EYS: variants seen among roughly 807,000 people sequenced by gnomAD.
EYS encodes EGF-like photoreceptor maintenance factor, also known as protein eyes shut homolog.
A neutral mutation model predicts 282.1 loss-of-function variants in EYS; 250 were observed. The ratio of observed to expected loss-of-function variants is 0.89; its 90% confidence interval spans 0.80 to 0.98. The LOEUF is 0.98. EYS is among the 50% of genes least tolerant of loss of function. The pLI is 0.00. For synonymous variants in EYS, 1,355 were observed against 1,282.9 expected (o/e 1.06, Z -1.20); for missense variants, 4,016 against 3,709.0 (o/e 1.08, Z -2.15).
intron 1 of EYS, among the ~76,000 whole-genome samples, chr6:65,642,968 T>A (rs1210034978): frequency 6.6e-6 from 1 of 152,200 alleles, no homozygotes; most frequent in Non-Finnish European, 1.5e-5. Context: ...TGTGAAGACT[T>A]ACATCATAAA....
At chr6:63,870,946 C>T (rs990345507) in intron 35 of EYS, among the ~76,000 whole-genome samples, 4 of 152,164 alleles carry the variant, frequency 2.6e-5, no homozygotes, top group Non-Finnish European at 5.9e-5. Flanking sequence ...TCTACCCAAT[C>T]GTTGTTCAGA....
At chr6:65,037,019 T>C (rs1400416677) in intron 13 of EYS, among the ~76,000 whole-genome samples, 3 of 151,978 alleles carry the variant, frequency 2.0e-5, no homozygotes, top group Non-Finnish European at 2.9e-5. Context: ...TGTATGTTCA[T>C]TGCAGCACTA....
chr6:64,438,773 T>C (rs1246726214), intron 27 of EYS, among the ~76,000 whole-genome samples: 1 of 151,702 alleles, frequency 6.6e-6, no homozygotes, highest in Admixed American at 6.6e-5. Flanking sequence ...GTATATGAGC[T>C]TCTTAAGAAC....
chr6:64,265,495 T>C (rs1387491777), intron 30 of EYS, among the ~76,000 whole-genome samples: 2 of 152,154 alleles, frequency 1.3e-5, no homozygotes, highest in Non-Finnish European at 2.9e-5. Flanking sequence ...AACTGGAAAT[T>C]TTCATGATGT....
intron 39 of EYS, among the ~76,000 whole-genome samples, chr6:63,785,677 T>C (rs983508131): frequency 2.6e-5 from 4 of 152,188 alleles, no homozygotes; most frequent in Admixed American, 1.3e-4. Context: ...ATTTATATTT[T>C]AGATCACGAA....
At chr6:64,767,271 A>G (rs1261258225) in intron 22 of EYS, among the ~76,000 whole-genome samples, 1 of 152,032 alleles carries the variant, frequency 6.6e-6, no homozygotes, top group East Asian at 1.9e-4. Context: ...ATGTCTTTGT[A>G]TTGGAATATT....
intron 5 of EYS, among the ~76,000 whole-genome samples, chr6:65,479,692 A>G (rs1297658202): frequency 6.6e-6 from 1 of 152,190 alleles, no homozygotes; most frequent in African/African-American, 2.4e-5. Flanking sequence ...ACCTAAACAG[A>G]GGACTAAAAC....
In EYS at chr6:65,406,738, T is replaced by A. The variant is rs561712217; in HGVS notation, c.863-1371A>T. ...AAAACTGACCTATTATATGCCTTTTTATGTGCAATAAAGTTGCACATAGAT... is the reference window on the plus strand; with the variant it reads ...AAAACTGACCTATTATATGCCTTTTAATGTGCAATAAAGTTGCACATAGAT... On this transcript the variant is annotated intron_variant, in intron 5 of 42. Coordinates refer to ENST00000503581, the MANE Select transcript of EYS (RefSeq NM_001142800.2). 3.9e-5 allele frequency among the ~76,000 whole-genome samples: 6 copies of A among 152,290 alleles called. No homozygotes were observed. The South Asian group carries it at 1.2e-3, about 32-fold the overall frequency.
chr6:65,045,866 C>T lies in EYS; in HGVS notation c.2137+11748G>A, dbSNP rs186375545. 3.9e-5 allele frequency among the ~76,000 whole-genome samples: 6 copies of T among 151,980 alleles called. No individual in the cohort carries two copies. The East Asian group carries it at 1.2e-3, about 30-fold the overall frequency. On this transcript the variant is annotated intron_variant, in intron 13 of 42. Coordinates refer to ENST00000503581, the MANE Select transcript of EYS (RefSeq NM_001142800.2). ...GAATTTAACAATTAGGGTTAAACAG[C>T]TAGGGATGTAGTTGGTAGATTTGTT...
intron 37 of EYS, among the ~76,000 whole-genome samples, chr6:63,798,995 A>ATG (rs1770715077): frequency 1.5e-5 from 2 of 131,204 alleles, no homozygotes; most frequent in Admixed American, 1.5e-4. Context: ...GTGTATATAT[A>ATG]TATATATATA....
rs1329000538 is a variant in EYS at position 63,726,738 on chromosome 6, C to A, written c.8072-58G>T. On this transcript the variant is annotated intron_variant, in intron 41 of 42. Transcript: ENST00000503581. The stretch of plus-strand genomic sequence containing the variant: ...TTATCTGCTGGATTAAAAAACATTG[C>A]TCATAAATACAATAAACTGCTTATG... 2.1e-6 allele frequency: 3 copies of A among 1,413,284 alleles called. No homozygotes were observed. The East Asian group carries it at 7.5e-5, about 35-fold the overall frequency. The allele number at this position is 1,413,284 out of a possible 1,614,324, so 87.5% of individuals were successfully genotyped here.
intron 19 of EYS, among the ~76,000 whole-genome samples, chr6:64,865,837 T>C (rs1319970729): frequency 6.6e-6 from 1 of 152,076 alleles, no homozygotes. Context: ...TAATTAAGAT[T>C]ATTTCATTGT....
At chr6:65,402,438 A>G (rs562696105) in intron 7 of EYS, 40 bp downstream of exon 7, 1 of 1,334,436 alleles carries the variant, frequency 7.5e-7, no homozygotes, top group East Asian at 2.3e-5. Context: ...TTAAAAATCC[A>G]TGTACTTTGT....
intron 2 of EYS, among the ~76,000 whole-genome samples, chr6:65,509,379 G>A (rs1766780659): frequency 6.6e-6 from 1 of 152,086 alleles, no homozygotes; most frequent in Admixed American, 6.5e-5. Context: ...CAGTTACTCT[G>A]TATCATCTCC....
intron 29 of EYS, chr6:64,377,869 T>A (rs1316906279): frequency 6.6e-6 from 1 of 152,122 alleles, no homozygotes; most frequent in African/African-American, 2.4e-5. Context: ...ACTGCCTAGT[T>A]GTATAAGCTT....
chr6:65,202,034 C>T (rs923321370), intron 12 of EYS, among the ~76,000 whole-genome samples: 3 of 151,950 alleles, frequency 2.0e-5, no homozygotes, highest in Admixed American at 6.6e-5. Flanking sequence ...ATAGCTTAAA[C>T]CCAGGAGGCA....
At chr6:63,788,883 A>G (rs1265202377) in intron 38 of EYS, among the ~76,000 whole-genome samples, 175 bp downstream of exon 38, 1 of 152,046 alleles carries the variant, frequency 6.6e-6, no homozygotes. Context: ...AATCCCTCTT[A>G]TTTGTTCTCA....
intron 26 of EYS, among the ~76,000 whole-genome samples, chr6:64,448,738 G>A (rs1020666180): frequency 6.6e-6 from 1 of 152,128 alleles, no homozygotes; most frequent in African/African-American, 2.4e-5. Context: ...TGATACTCAG[G>A]CAAACAGGGT....
intron 23 of EYS, among the ~76,000 whole-genome samples, chr6:64,619,388 T>C (rs971854459): frequency 2.6e-5 from 4 of 152,088 alleles, no homozygotes; most frequent in Admixed American, 6.6e-5. Context: ...GAGTACTGCA[T>C]AGGAGACAGA....
Sources: allele counts gnomAD v4.1 joint callset (sites outside exome capture counted in the v4.1 genomes callset), GRCh38; gene constraint gnomAD v4.1.1; transcripts MANE v1.5; gene names NCBI Gene and HGNC (gene_info 2026-07-23, HGNC 2026-07-21).